Variants in MEI4 observed in about 807,000 individuals in gnomAD.
The protein encoded by MEI4 is meiosis-specific protein MEI4.
MEI4 carries 27 observed loss-of-function variants against 31.4 expected under a neutral mutation model. The ratio of observed to expected loss-of-function variants is 0.86; its 90% CI spans 0.63 to 1.19. The LOEUF (loss-of-function observed/expected upper bound fraction) is 1.19. MEI4 is among the 50% of genes most tolerant of loss of function. The pLI, the probability that MEI4 is intolerant of heterozygous loss-of-function variation, is 0.00. For missense variants in MEI4, 329 were observed against 398.9 expected (o/e 0.82, Z 1.49); for synonymous variants, 122 against 145.4 (o/e 0.84, Z 1.16).
intron 4 of MEI4, among the ~76,000 whole-genome samples, chr6:77,868,120 A>C (rs1028398114): frequency 6.6e-6 from 1 of 151,952 alleles, no homozygotes; most frequent in African/African-American, 2.4e-5. Context: ...CTAATTTTAA[A>C]TGACGAATTA....
Position 77,660,189 on chromosome 6 carries a change from G to A in MEI4, c.-15+7097G>A, listed in dbSNP as rs188562253. On this transcript the variant is annotated intron_variant, in intron 1 of 4. Coordinates refer to ENST00000684080, the MANE Select transcript of MEI4 (RefSeq NM_001322247.2). ...GGAAATGCAAAGCCAGCAGTTGTTC[G>A]CTAAGGAGGGATTAGAAGTGGCTAG... Among the ~76,000 whole-genome samples the A allele has an allele frequency of 5.9e-3, 905 of 152,208 alleles. 39 individuals are homozygous for A. Among genetic ancestry groups the A allele is most frequent in the Admixed American group, 0.056 (858 of 15,282 alleles).
At chr6:77,834,720 T>A (rs148179052) in intron 4 of MEI4, among the ~76,000 whole-genome samples, 83 of 152,216 alleles carry the variant, frequency 5.5e-4, no homozygotes, top group Admixed American at 1.2e-3. Context: ...TTAACAAAAT[T>A]GTGAGTAAAC....
intron 4 of MEI4, among the ~76,000 whole-genome samples, chr6:77,887,228 A>G (rs1412401727): frequency 1.3e-5 from 2 of 148,818 alleles, no homozygotes; most frequent in Non-Finnish European, 3.0e-5. Context: ...GTGGTCATTC[A>G]TAGTCATTTT....
In MEI4 at chr6:77,744,878, A is replaced by G. The variant is rs532740170; in HGVS notation, c.233-16252A>G. ...CATATCCAGCCAAACTAAGCTTCATAAGTGAAGGAGAAATAAAATGCTTTA... is the reference window on the plus strand; with the variant it reads ...CATATCCAGCCAAACTAAGCTTCATGAGTGAAGGAGAAATAAAATGCTTTA... On this transcript the variant is annotated intron_variant, in intron 2 of 4. Transcript: ENST00000684080. Among the ~76,000 whole-genome samples the G allele has an allele frequency of 2.0e-5, 3 of 152,330 alleles. No homozygotes were observed. In the East Asian group the frequency reaches 5.8e-4, roughly 29 times the overall value.
chr6:77,892,906 T>C (rs1472533027), intron 4 of MEI4, among the ~76,000 whole-genome samples: 1 of 151,940 alleles, frequency 6.6e-6, no homozygotes, highest in Non-Finnish European at 1.5e-5. Flanking sequence ...AACAATGGAA[T>C]TGTGTAGATT....
chr6:77,823,409 C>T (rs12204598), intron 3 of MEI4, among the ~76,000 whole-genome samples: 42,681 of 152,036 alleles, frequency 0.28, 6,768 homozygotes, highest in South Asian at 0.39. Context: ...GGGATAGCAG[C>T]GTCTCTCATT....
At chr6:77,723,291 G>A (rs1451560881) in intron 2 of MEI4, among the ~76,000 whole-genome samples, 27 of 138,354 alleles carry the variant, frequency 2.0e-4, no homozygotes, top group Admixed American at 2.9e-4. Context: ...TTGTGGCGGG[G>A]GACAATTGTT....
At chr6:77,745,231 C>T (rs9361269) in intron 2 of MEI4, among the ~76,000 whole-genome samples, 20,993 of 152,090 alleles carry the variant, frequency 0.14, 1,541 homozygotes, top group Middle Eastern at 0.21. Flanking sequence ...ACCCATCTCA[C>T]GTGCAGAGAC....
intron 4 of MEI4, among the ~76,000 whole-genome samples, chr6:77,907,862 CTCA>C (rs1262156260): frequency 6.6e-6 from 1 of 152,094 alleles, no homozygotes; most frequent in African/African-American, 2.4e-5. Flanking sequence ...GAGATGGTAT[CTCA>C]TTGTGGTTTT....
intron 4 of MEI4, among the ~76,000 whole-genome samples, chr6:77,871,052 A>G (rs1014834077): frequency 3.3e-5 from 5 of 152,172 alleles, no homozygotes; most frequent in Admixed American, 2.6e-4. Context: ...TTTTAGCACC[A>G]TGAATTGGAT....
chr6:77,863,383 C>T (rs979868063), intron 4 of MEI4, among the ~76,000 whole-genome samples: 5 of 46,556 alleles, frequency 1.1e-4, no homozygotes, highest in Non-Finnish European at 1.8e-4. Context: ...GCAGAGAAGT[C>T]CTTAAAGGAC....
intron 2 of MEI4, among the ~76,000 whole-genome samples, chr6:77,751,150 C>G (rs1440317164): frequency 1.3e-5 from 2 of 151,856 alleles, no homozygotes; most frequent in African/African-American, 4.8e-5. Flanking sequence ...CACTAAATGC[C>G]CACAAGAGAA....
At chr6:77,865,226 A>C (rs1562017548) in intron 4 of MEI4, among the ~76,000 whole-genome samples, 2 of 152,220 alleles carry the variant, frequency 1.3e-5, no homozygotes, top group Admixed American at 6.5e-5. Flanking sequence ...AGAAATAACT[A>C]AGATCAGAGC....
At chr6:77,868,148 A>G (rs112758722) in intron 4 of MEI4, among the ~76,000 whole-genome samples, 4 of 151,982 alleles carry the variant, frequency 2.6e-5, no homozygotes, top group African/African-American at 7.2e-5. Flanking sequence ...CAGCACACCA[A>G]CATGACACAT....
intron 4 of MEI4, among the ~76,000 whole-genome samples, chr6:77,851,758 T>A (rs1770630260): frequency 1.3e-5 from 2 of 151,994 alleles, no homozygotes; most frequent in South Asian, 4.2e-4. Context: ...GTTGTGCACA[T>A]GTACCCTAGA....
intron 4 of MEI4, among the ~76,000 whole-genome samples, chr6:77,848,898 T>C (rs767771393): frequency 2.0e-5 from 3 of 152,156 alleles, no homozygotes; most frequent in Non-Finnish European, 4.4e-5. Flanking sequence ...GAGTTCTTAC[T>C]ATGGGGGAAG....
At chr6:77,890,110 G>A (rs1190497213) in intron 4 of MEI4, among the ~76,000 whole-genome samples, 1 of 152,206 alleles carries the variant, frequency 6.6e-6, no homozygotes, top group African/African-American at 2.4e-5. Flanking sequence ...CTCCACTGGG[G>A]CACTACCTAG....
At chr6:77,734,242 T>G (rs1044914154) in intron 2 of MEI4, among the ~76,000 whole-genome samples, 4 of 152,050 alleles carry the variant, frequency 2.6e-5, no homozygotes, top group African/African-American at 9.7e-5. Context: ...ACATCTCCCA[T>G]TATTAATGTG....
At chr6:77,835,488 A>G (rs1423670611) in intron 4 of MEI4, among the ~76,000 whole-genome samples, 1 of 152,016 alleles carries the variant, frequency 6.6e-6, no homozygotes. Flanking sequence ...AGGTGATTTA[A>G]CATGAATGAT....
Sources: allele counts gnomAD v4.1 joint callset (sites outside exome capture counted in the v4.1 genomes callset), GRCh38; gene constraint gnomAD v4.1.1; transcripts MANE v1.5; gene names NCBI Gene and HGNC (gene_info 2026-07-23, HGNC 2026-07-21).